The following WNK1 variants were observed in gnomAD, a reference collection of about 807,000 sequenced individuals.
The protein encoded by WNK1 is WNK lysine deficient protein kinase 1.
Under a neutral mutation model 222.8 loss-of-function variants are expected in WNK1, and 38 were observed. The ratio of observed to expected loss-of-function variants is 0.17; its 90% confidence interval spans 0.13 to 0.22. WNK1 has a LOEUF of 0.22. WNK1 is among the 10% of genes least tolerant of loss of function. The pLI, the probability that WNK1 is intolerant of heterozygous loss-of-function variation, is 1.00. For synonymous variants in WNK1, 1,090 were observed against 1,092.9 expected (o/e 1.00, Z 0.05); for missense variants, 2,348 against 2,918.4 (o/e 0.80, Z 4.50).
In WNK1 at chr12:890,400, T is replaced by G; in HGVS notation, c.5449-53T>G. ...CATAGGAAAGGCAACGAGGCAAAAG[T>G]TTGAGTGACTGAAGCTAAAGATTTG... On this transcript the variant is annotated intron_variant, in intron 21 of 27. Coordinates refer to ENST00000315939, the MANE Select transcript of WNK1 (RefSeq NM_018979.4). 4 of 1,610,994 alleles carry G rather than the reference T, an allele frequency of 2.5e-6. No homozygotes were observed. The Admixed American group carries it at 5.0e-5, about 20-fold the overall frequency.
chr12:773,104 CAAA>C (rs904947548), intron 1 of WNK1, among the ~76,000 whole-genome samples: 3 of 152,050 alleles, frequency 2.0e-5, no homozygotes, highest in Non-Finnish European at 4.4e-5. Context: ...ACTAAAAATA[CAAA>C]ATTAGCCGGG....
chr12:810,978 A>T (rs1303966358), intron 1 of WNK1, among the ~76,000 whole-genome samples: 1 of 152,190 alleles, frequency 6.6e-6, no homozygotes, highest in Non-Finnish European at 1.5e-5. Context: ...CTTAATGTAG[A>T]TGGAAAGAAA....
At chr12:760,771 ATTG>A (rs1406222876) in intron 1 of WNK1, among the ~76,000 whole-genome samples, 6 of 143,104 alleles carry the variant, frequency 4.2e-5, no homozygotes, top group African/African-American at 7.5e-5. Context: ...TTTTTTTTTT[ATTG>A]TTGTTGTTTT....
intron 2 of WNK1, among the ~76,000 whole-genome samples, chr12:814,315 T>C (rs1947155430): frequency 6.9e-6 from 1 of 145,592 alleles, no homozygotes; most frequent in South Asian, 2.3e-4. Flanking sequence ...GGTGAGACTC[T>C]GTCTCCAAAA....
chr12:841,702 C>T (rs996594948), intron 4 of WNK1, among the ~76,000 whole-genome samples: 11 of 152,174 alleles, frequency 7.2e-5, no homozygotes, highest in African/African-American at 2.7e-4. Flanking sequence ...GGCTGGAAAG[C>T]CCAAGATCAG....
Position 883,584 on chromosome 12 carries a change from C to T in WNK1, c.3663+16C>T, listed in dbSNP as rs1344488287. 2 of 1,613,962 alleles carry T rather than the reference C, an allele frequency of 1.2e-6. No individual in the cohort carries two copies. Among genetic ancestry groups the T allele is most frequent in the South Asian group, 2.2e-5 (2 of 91,052 alleles). On this transcript the variant is annotated intron_variant, in intron 16 of 27. Transcript: ENST00000315939. ...AGGTTCTCAGGTAGGTTCACCACTC[C>T]CATAGTGAAACTTTGTTGATTTAAA...
At chr12:904,598 C>A in intron 26 of WNK1, 3 of 720,654 alleles carry the variant, frequency 4.2e-6, no homozygotes, top group Non-Finnish European at 4.2e-6. Context: ...TAACTTCCAT[C>A]TATCTCTGTA....
intron 1 of WNK1, among the ~76,000 whole-genome samples, chr12:810,733 T>C (rs1011875241): frequency 6.6e-6 from 1 of 152,218 alleles, no homozygotes; most frequent in African/African-American, 2.4e-5. Context: ...ACGGAAGATG[T>C]GCAAATGGTT....
intron 10 of WNK1, 100 bp from the exon 11 acceptor site, chr12:879,456 TTGTTTGTTTTTTCCTTC>T: frequency 2.4e-5 from 14 of 595,452 alleles, no homozygotes; most frequent in South Asian, 6.0e-5. Flanking sequence ...GTTTTTTTTT[TTGTTTGTTTTTTCCTTC>T]TTTTTGGCTA....
intron 8 of WNK1, among the ~76,000 whole-genome samples, chr12:864,396 C>G (rs1425596994): frequency 6.6e-6 from 1 of 152,102 alleles, no homozygotes; most frequent in Non-Finnish European, 1.5e-5. Flanking sequence ...CAGGTGTGAG[C>G]CACCATGCCC....
intron 1 of WNK1, among the ~76,000 whole-genome samples, chr12:772,992 G>A (rs1942709714): frequency 6.6e-6 from 1 of 152,176 alleles, no homozygotes; most frequent in African/African-American, 2.4e-5. Context: ...GGGCACGGTG[G>A]CTCACACCTG....
Position 896,167 on chromosome 12 carries a change from G to A in WNK1, c.5680G>A (p.Val1894Met). 1 of 1,614,218 alleles carries A rather than the reference G, an allele frequency of 6.2e-7. No individual in the cohort carries two copies. The highest frequency in any genetic ancestry group is 1.3e-5 in the African/African-American group (1 of 75,034). ...HFESSTSESS[V>M]LSSSSPESTL... The stretch of plus-strand genomic sequence containing the variant: ...TGAATCCAGCACCTCAGAGTCCTCA[G>A]TGCTATCAAGTAGTAGTCCAGAGAG... The change falls in exon 24 of 28, where the codon GTG (valine) becomes ATG (methionine). Residue 1894 changes from valine (V) to methionine (M), a missense_variant. Physicochemically the swap from Val to Met is conservative, Grantham distance 21. Coordinates refer to ENST00000315939, the MANE Select transcript of WNK1 (RefSeq NM_018979.4).
chr12:871,174 T>C (rs1169291241), intron 8 of WNK1, 91 bp from the exon 9 acceptor site: 1 of 1,217,466 alleles, frequency 8.2e-7, no homozygotes. Context: ...AAGCAAACTC[T>C]GAGGAGATTA....
intron 10 of WNK1, among the ~76,000 whole-genome samples, chr12:878,956 A>G (rs1479778502): frequency 6.6e-6 from 1 of 152,144 alleles, no homozygotes; most frequent in African/African-American, 2.4e-5. Context: ...CAACTTTAAA[A>G]TGTACCATAT....
At position 861,233 on chromosome 12, in the gene WNK1, C is replaced by G. The variant is rs370744884; in HGVS notation, c.1841C>G (p.Pro614Arg). ...KQLPSASTGI[P>R]TASTTSASVS... ...CTCCCTTCTGCTAGCACCGGCATAC[C>G]TACTGCTTCTACCACTTCAGCTTCA... The change falls in exon 7 of 28, where the codon CCT (proline) becomes CGT (arginine). Residue 614 changes from proline to arginine, a missense_variant. Around this residue, in one of 13 missense-constraint regions of WNK1, gnomAD observed 103 missense variants for 111.5 expected, o/e 0.92. Coordinates refer to ENST00000315939, the MANE Select transcript of WNK1 (RefSeq NM_018979.4). 1.9e-6 allele frequency: 3 copies of G among 1,614,086 alleles called. No individual in the cohort carries two copies. The highest frequency in any genetic ancestry group is 3.3e-5 in the Admixed American group (2 of 60,018).
chr12:813,416 C>T (rs563203132), intron 1 of WNK1, among the ~76,000 whole-genome samples: 12 of 152,190 alleles, frequency 7.9e-5, no homozygotes, highest in African/African-American at 1.4e-4. Flanking sequence ...GTTAACTGCA[C>T]CTTACAAAAA....
intron 1 of WNK1, among the ~76,000 whole-genome samples, chr12:802,136 A>T (rs2153993444): frequency 6.6e-6 from 1 of 152,352 alleles, no homozygotes; most frequent in South Asian, 2.1e-4. Flanking sequence ...TGGTACATAT[A>T]CTTCTAGAAA....
In WNK1 at chr12:753,887, C is replaced by T. The variant is rs1451793795; in HGVS notation, c.322C>T (p.Pro108Ser). The change falls in exon 1 of 28, where the codon CCC becomes TCC. Residue 108 changes from proline to serine, a missense_variant. Transcript: ENST00000315939. This position sits in a 1 kb window ranked among gnomAD's most constrained non-coding sequence, Gnocchi z 5.2. ...TCTTTCCCTGCCCCAGCCCAGCATC[C>T]CCGCGGCTGTCCCGCAGAGTGCTCC... ...LPLSLPQPSI[P>S]AAVPQSAPPE... 11 of 1,611,978 alleles carry T rather than the reference C, an allele frequency of 6.8e-6. No individual in the cohort carries two copies. Among genetic ancestry groups the T allele is most frequent in the Non-Finnish European group, 9.3e-6 (11 of 1,179,660 alleles).
chr12:788,722 A>G (rs1944552971), intron 1 of WNK1, among the ~76,000 whole-genome samples: 2 of 152,138 alleles, frequency 1.3e-5, no homozygotes, highest in African/African-American at 2.4e-5. Context: ...CCCCGTCTCT[A>G]CTAAGAATAT....
Sources: gnomAD v4.1 joint callset for allele counts (sites outside exome capture counted in the v4.1 genomes callset) on GRCh38, gnomAD v4.1.1 for gene constraint, gnomAD v4.1.1 regional missense constraint, Gnocchi (gnomAD v3.1) non-coding constraint, MANE v1.5 for transcripts, NCBI Gene and HGNC (gene_info 2026-07-23, HGNC 2026-07-21) for gene names.